The following EPHB1 variants were observed in gnomAD, a reference collection of about 807,000 sequenced individuals.
EPHB1 encodes the protein EPH receptor B1.
In EPHB1, 30 loss-of-function variants were observed where a neutral mutation model predicts 94.4. That is an observed-to-expected ratio of 0.32 (90% CI 0.24 to 0.43). The LOEUF is 0.43. Among genes scored for constraint, EPHB1 ranks in the 20% least tolerant of loss-of-function variants. EPHB1 has a pLI of 1.00. For synonymous variants in EPHB1, 522 were observed against 489.1 expected (o/e 1.07, Z -0.89); for missense variants, 1,055 against 1,308.3 (o/e 0.81, Z 2.99).
Position 134,951,603 on chromosome 3 carries a change from C to T in EPHB1, c.356C>T (p.Ser119Phe). The change falls in exon 3 of 16, where the codon TCT (serine) becomes TTT (phenylalanine). Residue 119 changes from serine (S) to phenylalanine (F), a missense_variant. By Grantham distance (155) the Ser-to-Phe change is radical. Transcript: ENST00000398015. The surrounding 1 kb of genome is among the most constrained non-coding windows in gnomAD (Gnocchi z 4.5). ...AACTTGTATTACTATGAGACTGACT[C>T]TGTCATTGCCACCAAGAAGTCAGCC... ...TFNLYYYETD[S>F]VIATKKSAFW... 1 of 1,614,064 alleles carries T rather than the reference C, an allele frequency of 6.2e-7. No individual in the cohort carries two copies. Among genetic ancestry groups the T allele is most frequent in the South Asian group, 1.1e-5 (1 of 91,082 alleles).
At chr3:135,096,613 T>C (rs1016297078) in intron 3 of EPHB1, among the ~76,000 whole-genome samples, 2 of 152,226 alleles carry the variant, frequency 1.3e-5, no homozygotes, top group Non-Finnish European at 2.9e-5. Flanking sequence ...AAGTCCAAGA[T>C]CAATGTGCCA....
rs1193182108 is a variant in EPHB1 at position 134,853,828 on chromosome 3, G to T, written c.58+58139G>T. 4.6e-5 allele frequency among the ~76,000 whole-genome samples: 7 copies of T among 152,164 alleles called. No homozygotes were observed. The East Asian group carries it at 1.3e-3, about 29-fold the overall frequency. ...CCCTGCCCAGGGCCAAAGCAGGGAT[G>T]GAAAACAGAGACAGGGGTTCCATAT... On this transcript the variant is annotated intron_variant, in intron 1 of 15. Coordinates refer to ENST00000398015, the MANE Select transcript of EPHB1 (RefSeq NM_004441.5).
chr3:135,189,371 G>A (rs753620142), intron 10 of EPHB1, among the ~76,000 whole-genome samples: 29 of 152,312 alleles, frequency 1.9e-4, no homozygotes, highest in Non-Finnish European at 3.7e-4. Flanking sequence ...TTTTCAGCCT[G>A]AGCGGCATGT....
At chr3:135,242,159 C>A (rs1028559285) in intron 13 of EPHB1, among the ~76,000 whole-genome samples, 11 of 152,198 alleles carry the variant, frequency 7.2e-5, no homozygotes, top group African/African-American at 2.7e-4. Context: ...CTCCAGGGAC[C>A]AGGCCTCTTT....
At chr3:134,938,222 G>A (rs1008638569) in intron 2 of EPHB1, among the ~76,000 whole-genome samples, 2 of 152,158 alleles carry the variant, frequency 1.3e-5, no homozygotes, top group African/African-American at 4.8e-5. Flanking sequence ...AATGGCTGAG[G>A]ACCCCACTCC....
At chr3:135,146,179 G>A (rs1212000792) in intron 5 of EPHB1, among the ~76,000 whole-genome samples, 1 of 152,184 alleles carries the variant, frequency 6.6e-6, no homozygotes, top group African/African-American at 2.4e-5. Context: ...GATAAGCAGT[G>A]TGGGGCAGTG....
intron 3 of EPHB1, among the ~76,000 whole-genome samples, chr3:135,064,178 G>A (rs1441488503): frequency 1.3e-5 from 2 of 152,030 alleles, no homozygotes; most frequent in Non-Finnish European, 2.9e-5. Context: ...GTCCTTTCTT[G>A]GCTTTGGTAT....
chr3:134,882,814 C>CTTTCTTTCTTTTCTTTCT (rs1553861954), intron 1 of EPHB1, among the ~76,000 whole-genome samples: 13 of 93,218 alleles, frequency 1.4e-4, no homozygotes, highest in African/African-American at 4.5e-4. Flanking sequence ...TTCTTTCTTT[C>CTTTCTTTCTTTTCTTTCT]TTTCTTTCTT....
chr3:135,141,146 T>C (rs1436599811), intron 5 of EPHB1, among the ~76,000 whole-genome samples: 1 of 80,198 alleles, frequency 1.2e-5, no homozygotes, highest in East Asian at 3.3e-4. Flanking sequence ...TTTCCTTTCC[T>C]TTTTTTTTTT....
At chr3:135,117,502 G>C (rs1215592639) in intron 4 of EPHB1, among the ~76,000 whole-genome samples, 3 of 152,128 alleles carry the variant, frequency 2.0e-5, no homozygotes, top group Non-Finnish European at 4.4e-5. Context: ...CCTATAGAAG[G>C]CTTATGATTC....
intron 1 of EPHB1, among the ~76,000 whole-genome samples, chr3:134,832,942 AC>A (rs1292391697): frequency 6.6e-6 from 1 of 152,240 alleles, no homozygotes; most frequent in Non-Finnish European, 1.5e-5. Flanking sequence ...TTTAGGAGGT[AC>A]TGGTATTGGT....
intron 1 of EPHB1, among the ~76,000 whole-genome samples, chr3:134,899,103 G>T (rs2038146418): frequency 6.6e-6 from 1 of 152,140 alleles, no homozygotes; most frequent in Non-Finnish European, 1.5e-5. Context: ...GTGCTGGACT[G>T]TGGGGTGGAG....
At chr3:135,073,920 A>C (rs904965292) in intron 3 of EPHB1, among the ~76,000 whole-genome samples, 7 of 152,192 alleles carry the variant, frequency 4.6e-5, no homozygotes, top group East Asian at 3.8e-4. Context: ...GAAGTAAAAA[A>C]GTTTGATAAG....
intron 5 of EPHB1, among the ~76,000 whole-genome samples, chr3:135,133,657 G>A (rs574795504): frequency 7.2e-6 from 1 of 137,996 alleles, no homozygotes; most frequent in East Asian, 2.8e-4. Context: ...ATGATATGCT[G>A]CTGTTGAGAC....
chr3:134,879,159 C>T (rs545497121), intron 1 of EPHB1, among the ~76,000 whole-genome samples: 1 of 152,290 alleles, frequency 6.6e-6, no homozygotes, highest in African/African-American at 2.4e-5. Context: ...GTGACTAAGG[C>T]TCATACATGG....
chr3:135,179,236 C>T (rs1396878730), intron 9 of EPHB1, among the ~76,000 whole-genome samples: 1 of 151,878 alleles, frequency 6.6e-6, no homozygotes, highest in Non-Finnish European at 1.5e-5. Flanking sequence ...TCTTTCATAC[C>T]ACCTCATTTT....
rs754767477 is a variant in EPHB1, at chr3:135,259,109, G to T, written c.2944G>T (p.Ala982Ser). 1 of 1,607,282 alleles carries T rather than the reference G, an allele frequency of 6.2e-7. No individual in the cohort carries two copies. The highest frequency in any genetic ancestry group is 1.1e-5 in the South Asian group (1 of 89,110). The change falls in exon 16 of 16, where the codon GCA becomes TCA. Residue 982 changes from alanine (A) to serine (S), a missense_variant. Transcript: ENST00000398015. The stretch of plus-strand genomic sequence containing the variant: ...GGTCCAGATAAGTCAGTCACCAACG[G>T]CAATGGCATGAGAACTCTTGTTTCT... ...MRVQISQSPT[A>S]MA
chr3:135,056,823 T>A (rs966215264), intron 3 of EPHB1, among the ~76,000 whole-genome samples: 6 of 152,216 alleles, frequency 3.9e-5, no homozygotes, highest in Non-Finnish European at 8.8e-5. Context: ...TAGGGACACT[T>A]GTAAGCAGAG....
chr3:135,192,972 A>C, intron 11 of EPHB1, 149 bp downstream of exon 11: 1 of 1,163,170 alleles, frequency 8.6e-7, no homozygotes, highest in Admixed American at 2.7e-5. Flanking sequence ...TTTGTTGCTA[A>C]AAGAAGAGAA....
Sources: gnomAD v4.1 joint callset for allele counts (sites outside exome capture counted in the v4.1 genomes callset) on GRCh38, gnomAD v4.1.1 for gene constraint, Gnocchi (gnomAD v3.1) non-coding constraint, MANE v1.5 for transcripts, NCBI Gene and HGNC (gene_info 2026-07-23, HGNC 2026-07-21) for gene names.